Variants in ATP10A observed in about 807,000 individuals in gnomAD.
The protein encoded by ATP10A is ATPase phospholipid transporting 10A (putative), also known as phospholipid-transporting ATPase VA.
Under a neutral mutation model 147.8 loss-of-function variants are expected in ATP10A, and 111 were observed. The observed-to-expected ratio is 0.75, with a 90% CI of 0.64 to 0.88. The LOEUF is 0.88. ATP10A is among the 40% of genes least tolerant of loss of function. ATP10A has a pLI of 0.00. For synonymous variants in ATP10A, 875 were observed against 841.6 expected (o/e 1.04, Z -0.69); for missense variants, 1,927 against 1,959.0 (o/e 0.98, Z 0.31).
At chr15:25,807,173 G>C (rs1161761846) in intron 1 of ATP10A, among the ~76,000 whole-genome samples, 1 of 152,188 alleles carries the variant, frequency 6.6e-6, no homozygotes, top group African/African-American at 2.4e-5. Context: ...GCATCCTTAC[G>C]TTTTTCAAGC....
At chr15:25,788,055 G>A (rs1203328265) in intron 1 of ATP10A, among the ~76,000 whole-genome samples, 1 of 152,158 alleles carries the variant, frequency 6.6e-6, no homozygotes, top group Non-Finnish European at 1.5e-5. Flanking sequence ...GTGGCTTTGA[G>A]AGGTGCTCCC....
chr15:25,761,722 T>C (rs1279928601), intron 2 of ATP10A, among the ~76,000 whole-genome samples: 1 of 152,212 alleles, frequency 6.6e-6, no homozygotes, highest in Non-Finnish European at 1.5e-5. Flanking sequence ...ACCTCTCCCA[T>C]TTGGAATGGC....
At chr15:25,755,518 G>A (rs957643185) in intron 2 of ATP10A, among the ~76,000 whole-genome samples, 1 of 152,180 alleles carries the variant, frequency 6.6e-6, no homozygotes, top group African/African-American at 2.4e-5. Flanking sequence ...CTGCCCTGGA[G>A]CACTTTCTAA....
rs1220387658 is a variant in ATP10A, at chr15:25,781,200, C to T, written c.473G>A (p.Arg158Gln). The T allele has an allele frequency of 3.1e-6, 5 of 1,613,956 alleles. No homozygotes were observed. The highest frequency in any genetic ancestry group is 4.5e-5 in the East Asian group (2 of 44,866). Residue 158 changes from arginine (R) to glutamine (Q), a missense_variant, in exon 2 of 21, where the codon CGA becomes CAA. Physicochemically the swap from Arg to Gln is conservative, Grantham distance 43. Coordinates refer to ENST00000555815, the MANE Select transcript of ATP10A (RefSeq NM_024490.4). ...FSREEKKYVN[R>Q]FWKEIHVGDF... ...TCCCACGTGGATTTCTTTCCAGAATCGGTTCACGTATTTCTTTTCTTCCCT... is the reference window on the plus strand; with the variant it reads ...TCCCACGTGGATTTCTTTCCAGAATTGGTTCACGTATTTCTTTTCTTCCCT...
At position 25,727,306 on chromosome 15, in the gene ATP10A, C is replaced by G. The variant is rs772921529; in HGVS notation, c.741-40G>C. On this transcript the variant is annotated intron_variant, in intron 3 of 20. Coordinates refer to ENST00000555815, the MANE Select transcript of ATP10A (RefSeq NM_024490.4). The stretch of plus-strand genomic sequence containing the variant: ...TTGGCACATGTCACGTGGTTGCAGG[C>G]CTGTGCCTCATGTCTGGAGCCGCAA... 11 of 1,524,942 alleles carry G rather than the reference C, an allele frequency of 7.2e-6. No homozygotes were observed. The East Asian group carries it at 2.5e-4, about 34-fold the overall frequency. The allele number at this position is 1,524,942 out of a possible 1,614,324, so 94.5% of individuals were successfully genotyped here. A position where few individuals can be genotyped will look rare whatever the true frequency, so the allele number is the denominator to read the frequency against.
intron 12 of ATP10A, among the ~76,000 whole-genome samples, chr15:25,703,458 C>T (rs181978313): frequency 4.9e-4 from 75 of 152,316 alleles, no homozygotes; most frequent in African/African-American, 1.5e-3. Context: ...GGAGGAGATC[C>T]CACACCAGAC....
chr15:25,755,645 C>T (rs921840328), intron 2 of ATP10A, among the ~76,000 whole-genome samples: 2 of 152,126 alleles, frequency 1.3e-5, no homozygotes, highest in African/African-American at 4.8e-5. Context: ...AAACAGTCTG[C>T]CCAACCTCTG....
At chr15:25,809,271 A>G (rs1209061731) in intron 1 of ATP10A, among the ~76,000 whole-genome samples, 3 of 152,098 alleles carry the variant, frequency 2.0e-5, no homozygotes, top group Admixed American at 2.0e-4. Flanking sequence ...ATGAGATGGG[A>G]GAGAGGAGCA....
intron 2 of ATP10A, among the ~76,000 whole-genome samples, chr15:25,747,467 G>A (rs1887909118): frequency 6.6e-6 from 1 of 151,442 alleles, no homozygotes; most frequent in African/African-American, 2.4e-5. Context: ...AAACACAATA[G>A]CAGAAAAAAT....
At chr15:25,843,963 G>T (rs949780289) in intron 1 of ATP10A, among the ~76,000 whole-genome samples, 9 of 152,194 alleles carry the variant, frequency 5.9e-5, no homozygotes, top group African/African-American at 1.9e-4. Context: ...TGTCTGAAAT[G>T]ACACTATCAC....
At chr15:25,737,152 G>A (rs1305036735) in intron 2 of ATP10A, among the ~76,000 whole-genome samples, 1 of 152,214 alleles carries the variant, frequency 6.6e-6, no homozygotes, top group African/African-American at 2.4e-5. Context: ...TATTTTAAAA[G>A]GCTCTTCTTG....
At chr15:25,841,801 A>T (rs1049257388) in intron 1 of ATP10A, 2 of 151,988 alleles carry the variant, frequency 1.3e-5, no homozygotes, top group Non-Finnish European at 2.9e-5. Context: ...TAAGTATTTT[A>T]TTTTCTTGGT....
Position 25,730,113 on chromosome 15 carries a change from A to T in ATP10A, c.741-2847T>A, listed in dbSNP as rs181093242. ...AGAGACCAGCCTGGCTAACATGGCGAAACCCCGTCTCTACTAAAAATACAA... is the reference window on the plus strand; with the variant it reads ...AGAGACCAGCCTGGCTAACATGGCGTAACCCCGTCTCTACTAAAAATACAA... On this transcript the variant is annotated intron_variant, in intron 3 of 20. Transcript: ENST00000555815. 1.3e-4 allele frequency among the ~76,000 whole-genome samples: 20 copies of T among 151,100 alleles called. No homozygotes were observed. The East Asian group carries it at 3.9e-3, about 30-fold the overall frequency.
chr15:25,759,900 G>C (rs1374418150), intron 2 of ATP10A, among the ~76,000 whole-genome samples: 1 of 151,238 alleles, frequency 6.6e-6, no homozygotes, highest in Non-Finnish European at 1.5e-5. Flanking sequence ...CTTGTGCTTT[G>C]TATCTTTGAA....
At chr15:25,696,562 T>C (rs1054526997) in intron 13 of ATP10A, among the ~76,000 whole-genome samples, 1 of 152,190 alleles carries the variant, frequency 6.6e-6, no homozygotes, top group Non-Finnish European at 1.5e-5. Flanking sequence ...TGCAGAGCTC[T>C]GAGAGGGAGT....
intron 1 of ATP10A, among the ~76,000 whole-genome samples, chr15:25,858,869 A>G (rs1893630516): frequency 6.6e-6 from 1 of 152,120 alleles, no homozygotes; most frequent in African/African-American, 2.4e-5. Context: ...AAGTCATCAC[A>G]AAGTACATAG....
intron 1 of ATP10A, among the ~76,000 whole-genome samples, chr15:25,846,609 C>T (rs915031921): frequency 6.6e-5 from 10 of 151,964 alleles, no homozygotes; most frequent in Non-Finnish European, 1.2e-4. Flanking sequence ...CCTTCCTAAA[C>T]ATCCCTGGAT....
chr15:25,723,716 C>A (rs947858160), intron 6 of ATP10A, among the ~76,000 whole-genome samples, 175 bp downstream of exon 6: 1 of 151,908 alleles, frequency 6.6e-6, no homozygotes, highest in African/African-American at 2.4e-5. Flanking sequence ...AAAAATCACC[C>A]AAGGAAAGAT....
chr15:25,781,109 G>A lies in ATP10A; in HGVS notation c.564C>T (p.Asp188=). The part of the protein sequence containing the change: ...PADILLLSSS[D]PDGLCHIETA... The stretch of plus-strand genomic sequence containing the variant: ...TCTCGATGTGGCATAGCCCGTCGGG[G>A]TCACTGGAGGAGAGCAGCAGAATGT... The change falls in exon 2 of 21, where the codon GAC becomes GAT. Residue 188 remains aspartate, a synonymous_variant. Transcript: ENST00000555815. 1 of 1,614,230 alleles carries A rather than the reference G, an allele frequency of 6.2e-7. No homozygotes were observed. Among genetic ancestry groups the A allele is most frequent in the Non-Finnish European group, 8.5e-7 (1 of 1,180,040 alleles).
Sources: allele counts gnomAD v4.1 joint callset (sites outside exome capture counted in the v4.1 genomes callset), GRCh38; gene constraint gnomAD v4.1.1; transcripts MANE v1.5; gene names NCBI Gene and HGNC (gene_info 2026-07-23, HGNC 2026-07-21).